Variants in CKM observed in about 807,000 individuals in gnomAD.
The protein encoded by CKM is creatine kinase, M-type, also known as creatine kinase M-type.
CKM carries 28 observed loss-of-function variants against 35.4 expected under a neutral mutation model. The ratio of observed to expected loss-of-function variants is 0.79; its 90% CI spans 0.59 to 1.08. CKM has a LOEUF of 1.08. Among genes scored for constraint, CKM ranks in the 50% least tolerant of loss-of-function variants. The pLI is 0.00. For synonymous variants in CKM, 215 were observed against 204.4 expected (o/e 1.05, Z -0.44); for missense variants, 484 against 509.8 (o/e 0.95, Z 0.49).
At chr19:45,319,426 GCCC>G in intron 2 of CKM, 92 bp downstream of exon 2, 2 of 817,334 alleles carry the variant, frequency 2.4e-6, no homozygotes, top group Non-Finnish European at 3.9e-6. Flanking sequence ...GAAAACTGAG[GCCC>G]CCCCCCCTTC....
chr19:45,322,002 G>A (rs1971216979), intron 1 of CKM, among the ~76,000 whole-genome samples: 2 of 151,916 alleles, frequency 1.3e-5, no homozygotes, highest in South Asian at 4.2e-4. Context: ...ACCCCCAGCT[G>A]CTGCCCCGCC....
At chr19:45,321,589 C>T (rs540161984) in intron 1 of CKM, among the ~76,000 whole-genome samples, 1 of 152,160 alleles carries the variant, frequency 6.6e-6, no homozygotes, top group South Asian at 2.1e-4. Flanking sequence ...GGAGTTGGAG[C>T]CTGGAACCCT....
Position 45,306,623 on chromosome 19 carries a change from G to T in CKM, c.*127C>A. ...TGGTTGAAACTGGAACTCTGAGAAG[G>T]GTGGAGAGAGCCCCCAGGTGGGACT... On this transcript the variant is annotated 3_prime_UTR_variant, in exon 8 of 8. Transcript: ENST00000221476. This position sits in a 1 kb window ranked among gnomAD's most constrained non-coding sequence, Gnocchi z 4.5. 1.1e-6 allele frequency: 1 copy of T among 933,018 alleles called. No individual in the cohort carries two copies. Among genetic ancestry groups the T allele is most frequent in the Non-Finnish European group, 1.7e-6 (1 of 585,680 alleles). 57.8% of individuals were successfully genotyped at this position (933,018 alleles called of 1,614,324 possible). A position where few individuals can be genotyped will look rare whatever the true frequency, so the allele number is the denominator to read the frequency against.
At chr19:45,319,988 A>G (rs1971198199) in intron 1 of CKM, among the ~76,000 whole-genome samples, 1 of 151,338 alleles carries the variant, frequency 6.6e-6, no homozygotes, top group South Asian at 2.1e-4. Flanking sequence ...ACGGGGTTTC[A>G]CCATGTTAGC....
At chr19:45,318,379 C>T (rs1427532949) in intron 2 of CKM, among the ~76,000 whole-genome samples, 1 of 151,146 alleles carries the variant, frequency 6.6e-6, no homozygotes, top group Non-Finnish European at 1.5e-5. Flanking sequence ...TGCACTCCAG[C>T]CTGGGTGACA....
rs544216295 is a variant in CKM, at chr19:45,310,925, G to A, written c.653+824C>T. On this transcript the variant is annotated intron_variant, in intron 5 of 7. Coordinates refer to ENST00000221476, the MANE Select transcript of CKM (RefSeq NM_001824.5). ...AGCTGGGACTACAGGCGCCTGCCAC[G>A]ACGCCGGGCTAATTTTTTTTTTTTT... is the stretch of plus-strand genomic sequence containing the variant. Among the ~76,000 whole-genome samples the A allele has an allele frequency of 3.7e-4, 50 of 136,590 alleles. 1 individual carries two copies. The East Asian group carries it at 9.5e-3, about 26-fold the overall frequency. 89.6% of individuals were successfully genotyped at this position (136,590 alleles called of 152,430 possible). A position where few individuals can be genotyped will look rare whatever the true frequency, so the allele number is the denominator to read the frequency against.
chr19:45,314,015 A>T (rs932991166), intron 4 of CKM, among the ~76,000 whole-genome samples: 10 of 151,624 alleles, frequency 6.6e-5, no homozygotes, highest in African/African-American at 2.2e-4. Flanking sequence ...ACAGAACAAG[A>T]CCCTGTCTTG....
chr19:45,318,172 G>A (rs1971178062), intron 2 of CKM, among the ~76,000 whole-genome samples, 193 bp from the exon 3 acceptor site: 1 of 152,080 alleles, frequency 6.6e-6, no homozygotes, highest in Non-Finnish European at 1.5e-5. Context: ...CTTTGGGAGG[G>A]TGAGGCGGGT....
At chr19:45,318,954 A>C (rs1971185258) in intron 2 of CKM, among the ~76,000 whole-genome samples, 1 of 151,628 alleles carries the variant, frequency 6.6e-6, no homozygotes, top group African/African-American at 2.4e-5. Flanking sequence ...TCCCAGGCTC[A>C]AGCGATCCTC....
In CKM at chr19:45,315,669, A is replaced by T. The variant is rs561817692; in HGVS notation, c.349-72T>A. 564 of 1,569,774 alleles carry T rather than the reference A, an allele frequency of 3.6e-4. 9 individuals are homozygous for T. In the South Asian group the frequency reaches 5.6e-3, roughly 16 times the overall value. On this transcript the variant is annotated intron_variant, in intron 3 of 7. Coordinates refer to ENST00000221476, the MANE Select transcript of CKM (RefSeq NM_001824.5). The stretch of plus-strand genomic sequence containing the variant: ...TCCAGCAAGCCCAGGTCTCCCCCAG[A>T]TGCTCCCCTCAGTCTCCCTGTTGCT...
chr19:45,319,144 A>ACTG (rs1312283904), intron 2 of CKM, among the ~76,000 whole-genome samples: 1 of 152,184 alleles, frequency 6.6e-6, no homozygotes, highest in African/African-American at 2.4e-5. Flanking sequence ...GGCATGAGCC[A>ACTG]CTGCACCTGG....
In CKM at chr19:45,311,407, G is replaced by T. The variant is rs566907487; in HGVS notation, c.653+342C>A. ...TGCCACTACGCCCAGCTAAATTTTT[G>T]TCATTTTTAGTAGACACCGTGTTGG... On this transcript the variant is annotated intron_variant, in intron 5 of 7. Transcript: ENST00000221476. 6.4e-4 allele frequency among the ~76,000 whole-genome samples: 97 copies of T among 151,838 alleles called. 1 individual carries two copies. Among genetic ancestry groups the T allele is most frequent in the South Asian group, 5.4e-3 (26 of 4,808 alleles).
chr19:45,317,996 G>A lies in CKM; in HGVS notation c.194-17C>T, dbSNP rs1166649554. On this transcript the variant is annotated splice_polypyrimidine_tract_variant and intron_variant, in intron 2 of 7. Transcript: ENST00000221476. ...AGGGGTGACCTGGAGGGGTGGGGGT[G>A]AGGTCAGAGCTGCTTGTCCCCAGCA... is the stretch of plus-strand genomic sequence containing the variant. 3.1e-6 allele frequency: 5 copies of A among 1,613,158 alleles called. No individual in the cohort carries two copies. Among genetic ancestry groups the A allele is most frequent in the Middle Eastern group, 1.7e-4 (1 of 5,908 alleles).
At chr19:45,309,788 G>A (rs929335497) in intron 5 of CKM, among the ~76,000 whole-genome samples, 3 of 151,790 alleles carry the variant, frequency 2.0e-5, no homozygotes, top group East Asian at 1.9e-4. Flanking sequence ...GTTTGAACCC[G>A]GGAGATGGAG....
At position 45,311,686 on chromosome 19, in the gene CKM, G is replaced by C; in HGVS notation, c.653+63C>G. On this transcript the variant is annotated intron_variant, in intron 5 of 7. Transcript: ENST00000221476. The stretch of plus-strand genomic sequence containing the variant: ...TTGGTTTTGGTGGAGGAGTGAGGAG[G>C]GCCGTTGCAGGACTGGAGGAGGCTG... 2.9e-6 allele frequency: 4 copies of C among 1,388,254 alleles called. No individual in the cohort carries two copies. In the South Asian group the frequency reaches 5.1e-5, roughly 18 times the overall value. 86.0% of individuals were successfully genotyped at this position (1,388,254 alleles called of 1,614,324 possible). A position where few individuals can be genotyped will look rare whatever the true frequency, so the allele number is the denominator to read the frequency against.
rs2123145766 is a variant in CKM at position 45,319,693 on chromosome 19, G to A, written c.21C>T (p.His7=). 6.2e-7 allele frequency: 1 copy of A among 1,614,238 alleles called. No homozygotes were observed. The highest frequency in any genetic ancestry group is 8.5e-7 in the Non-Finnish European group (1 of 1,180,044). MPFGNT[H]NKFKLNYKPE... is the part of the protein sequence containing the mutation. ...GCTTGTAATTCAGCTTGAACTTGTT[G>A]TGGGTGTTACCGAATGGCATGGTGG... The change falls in exon 2 of 8, where the codon CAC becomes CAT. Residue 7 remains histidine, a synonymous_variant. Transcript: ENST00000221476.
At chr19:45,307,840 G>C (rs1355342828) in intron 6 of CKM, among the ~76,000 whole-genome samples, 190 bp from the exon 7 acceptor site, 1 of 151,544 alleles carries the variant, frequency 6.6e-6, no homozygotes, top group African/African-American at 2.4e-5. Context: ...TTTGAGGGGC[G>C]GGGACTAAGA....
chr19:45,313,245 G>T (rs902891509), intron 4 of CKM, among the ~76,000 whole-genome samples: 24 of 152,248 alleles, frequency 1.6e-4, no homozygotes, highest in African/African-American at 4.8e-4. Flanking sequence ...AATTCTCACA[G>T]TACTGCAGAC....
intron 2 of CKM, among the ~76,000 whole-genome samples, chr19:45,318,879 G>A (rs1168214070): frequency 8.9e-6 from 1 of 112,214 alleles, no homozygotes; most frequent in South Asian, 2.8e-4. Context: ...TTTTTTTTTT[G>A]AGACAGGGTC....
Sources: gnomAD v4.1 joint callset for allele counts (sites outside exome capture counted in the v4.1 genomes callset) on GRCh38, gnomAD v4.1.1 for gene constraint, Gnocchi (gnomAD v3.1) non-coding constraint, MANE v1.5 for transcripts, NCBI Gene and HGNC (gene_info 2026-07-23, HGNC 2026-07-21) for gene names.